The following SH3BGR variants were observed in gnomAD, a reference collection of about 807,000 sequenced individuals.
SH3BGR encodes the protein SH3 domain-binding glutamic acid-rich protein.
In SH3BGR, 29 loss-of-function variants were observed where a neutral mutation model predicts 24.5. The ratio of observed to expected loss-of-function variants is 1.18; its 90% CI spans 0.88 to 1.61. The LOEUF (loss-of-function observed/expected upper bound fraction) is 1.61, where lower values mean the gene tolerates loss of function less well. Among genes scored for constraint, SH3BGR ranks in the 40% most tolerant of loss-of-function variants. SH3BGR has a pLI of 0.00. For synonymous variants in SH3BGR, 55 were observed against 65.7 expected (o/e 0.84, Z 0.79); for missense variants, 162 against 205.8 (o/e 0.79, Z 1.30).
intron 2 of SH3BGR, among the ~76,000 whole-genome samples, chr21:39,474,019 G>A (rs192365149): frequency 2.7e-4 from 41 of 152,282 alleles, no homozygotes; most frequent in Admixed American, 2.4e-3. Flanking sequence ...CCAGGCTAGA[G>A]TGTAGTGGCA....
chr21:39,482,384 T>C lies in SH3BGR; in HGVS notation c.312+7169T>C, dbSNP rs77025847. Among the ~76,000 whole-genome samples, 530 of 152,264 alleles carry C rather than the reference T, an allele frequency of 3.5e-3. 4 individuals carry two copies. Among genetic ancestry groups the C allele is most frequent in the African/African-American group, 0.012 (499 of 41,554 alleles). On this transcript the variant is annotated intron_variant, in intron 3 of 6. Transcript: ENST00000333634. Reference sequence around the variant, plus strand: ...GATGCAATTAATATGTTTTAAGAGGTTCAAGTCTAAAGAAAGTAACTGTAA... The same window carrying C: ...GATGCAATTAATATGTTTTAAGAGGCTCAAGTCTAAAGAAAGTAACTGTAA...
In SH3BGR at chr21:39,495,807, G is replaced by A. The variant is rs185814434; in HGVS notation, c.313-4016G>A. Among the ~76,000 whole-genome samples the A allele has an allele frequency of 2.0e-3, 298 of 152,170 alleles. 2 individuals are homozygous for A. The highest frequency in any genetic ancestry group is 6.6e-3 in the African/African-American group (274 of 41,530). Reference sequence around the variant, plus strand: ...TGAAAAGTCTAAATAAAATATTAGCGAAATATATTCAGAAGTGAATTAAAG... The same window carrying A: ...TGAAAAGTCTAAATAAAATATTAGCAAAATATATTCAGAAGTGAATTAAAG... On this transcript the variant is annotated intron_variant, in intron 3 of 6. Transcript: ENST00000333634.
intron 5 of SH3BGR, 89 bp downstream of exon 5, chr21:39,509,116 T>C: frequency 9.4e-7 from 1 of 1,061,738 alleles, no homozygotes; most frequent in East Asian, 2.4e-5. Context: ...GGCACGTTCT[T>C]AATAACATAA....
At chr21:39,508,406 C>T (rs953443056) in intron 4 of SH3BGR, among the ~76,000 whole-genome samples, 3 of 152,230 alleles carry the variant, frequency 2.0e-5, no homozygotes, top group Non-Finnish European at 2.9e-5. Flanking sequence ...GGGCTGGTGG[C>T]TTGCACAGTA....
At chr21:39,466,698 A>G (rs1479333018) in intron 2 of SH3BGR, among the ~76,000 whole-genome samples, 4 of 152,190 alleles carry the variant, frequency 2.6e-5, no homozygotes, top group Non-Finnish European at 4.4e-5. Context: ...ATCTCATGAG[A>G]ACTCACTCAC....
intron 3 of SH3BGR, among the ~76,000 whole-genome samples, chr21:39,489,391 T>C (rs1349778502): frequency 6.6e-6 from 1 of 152,222 alleles, no homozygotes; most frequent in Non-Finnish European, 1.5e-5. Context: ...CTGTCAGAGA[T>C]GGGAGTGGCT....
chr21:39,489,441 C>G (rs938342045), intron 3 of SH3BGR, among the ~76,000 whole-genome samples: 3 of 152,202 alleles, frequency 2.0e-5, no homozygotes, highest in Non-Finnish European at 4.4e-5. Context: ...GTTCCAGTTG[C>G]AGGAAGGGCC....
At chr21:39,487,167 G>A (rs922269571) in intron 3 of SH3BGR, among the ~76,000 whole-genome samples, 7 of 152,074 alleles carry the variant, frequency 4.6e-5, no homozygotes, top group Non-Finnish European at 1.0e-4. Context: ...TTTTGAGGCA[G>A]GTTCTTGCTC....
chr21:39,494,248 C>CTT (rs1319946485), intron 3 of SH3BGR, among the ~76,000 whole-genome samples: 2 of 114,454 alleles, frequency 1.7e-5, no homozygotes, highest in African/African-American at 5.4e-5. Flanking sequence ...TCTTCTTCTT[C>CTT]TTCTTTTTTT....
chr21:39,447,408 C>T (rs1322215889), upstream of SH3BGR, among the ~76,000 whole-genome samples: 4 of 147,208 alleles, frequency 2.7e-5, no homozygotes, highest in African/African-American at 1.0e-4. Context: ...TCTTTGCTTT[C>T]GCTTTTGCTT....
chr21:39,467,222 A>G (rs1317668805), intron 2 of SH3BGR, among the ~76,000 whole-genome samples: 1 of 152,166 alleles, frequency 6.6e-6, no homozygotes, highest in Admixed American at 6.5e-5. Flanking sequence ...GAAGATTTCA[A>G]AGTCATCTCT....
At chr21:39,494,401 G>T (rs1444408134) in intron 3 of SH3BGR, among the ~76,000 whole-genome samples, 3 of 151,998 alleles carry the variant, frequency 2.0e-5, no homozygotes, top group Non-Finnish European at 4.4e-5. Flanking sequence ...CATAGTGAAG[G>T]TCTGCTGGCA....
At chr21:39,499,971 T>G in intron 4 of SH3BGR, 56 bp downstream of exon 4, 1 of 1,254,320 alleles carries the variant, frequency 8.0e-7, no homozygotes, top group Non-Finnish European at 1.2e-6. Flanking sequence ...TTCGAGACTT[T>G]TACAGGGCTT....
At chr21:39,507,480 T>C (rs113586955) in intron 4 of SH3BGR, among the ~76,000 whole-genome samples, 13,010 of 152,020 alleles carry the variant, frequency 0.086, 804 homozygotes, top group African/African-American at 0.17. Flanking sequence ...ATTACAGGCA[T>C]GCGCCACCAT....
chr21:39,447,028 A>G (rs1412453819), upstream of SH3BGR: 2 of 151,784 alleles, frequency 1.3e-5, no homozygotes, highest in African/African-American at 4.8e-5. Flanking sequence ...GAAATGCATG[A>G]CCCACCCTGA....
Position 39,475,122 on chromosome 21 carries a change from T to C in SH3BGR, c.232-13T>C. On this transcript the variant is annotated splice_polypyrimidine_tract_variant and intron_variant, in intron 2 of 6. Coordinates refer to ENST00000333634, the MANE Select transcript of SH3BGR (RefSeq NM_007341.3). ...GTGCAGTAGTTTTAAACTTTCTTTT[T>C]CTTTGCTTCAAGGATTTTGACTCTT... 1 of 1,565,846 alleles carries C rather than the reference T, an allele frequency of 6.4e-7. No individual in the cohort carries two copies. Among genetic ancestry groups the C allele is most frequent in the Non-Finnish European group, 8.8e-7 (1 of 1,138,340 alleles).
At chr21:39,494,388 T>C (rs1200171458) in intron 3 of SH3BGR, among the ~76,000 whole-genome samples, 1 of 152,124 alleles carries the variant, frequency 6.6e-6, no homozygotes, top group South Asian at 2.1e-4. Flanking sequence ...TTTAGCATTG[T>C]TTCATAGTGA....
intron 3 of SH3BGR, among the ~76,000 whole-genome samples, chr21:39,479,291 A>G (rs1398439743): frequency 5.4e-5 from 6 of 111,584 alleles, no homozygotes; most frequent in African/African-American, 7.7e-5. Context: ...TGATGGTGGT[A>G]GTGGTAATGG....
At chr21:39,474,107 AC>A (rs2077988257) in intron 2 of SH3BGR, among the ~76,000 whole-genome samples, 1 of 151,994 alleles carries the variant, frequency 6.6e-6, no homozygotes, top group African/African-American at 2.4e-5. Context: ...AGCTGGGACC[AC>A]AGGTGTGTGC....
Sources: gnomAD v4.1 joint callset for allele counts (sites outside exome capture counted in the v4.1 genomes callset) on GRCh38, gnomAD v4.1.1 for gene constraint, MANE v1.5 for transcripts, NCBI Gene and HGNC (gene_info 2026-07-23, HGNC 2026-07-21) for gene names.